The following MINDY2 variants were observed in gnomAD, a reference collection of about 807,000 sequenced individuals.
MINDY2 encodes MINDY lysine 48 deubiquitinase 2, also known as ubiquitin carboxyl-terminal hydrolase MINDY-2.
In MINDY2, 52 loss-of-function variants were observed where a neutral mutation model predicts 68.2. The ratio of observed to expected loss-of-function variants is 0.76; its 90% confidence interval spans 0.61 to 0.96. MINDY2 has a LOEUF of 0.96. Ranked by LOEUF, MINDY2 falls within the 40% of genes least tolerant of loss-of-function variation. The pLI, the probability that MINDY2 is intolerant of heterozygous loss-of-function variation, is 0.00. For synonymous variants in MINDY2, 372 were observed against 303.0 expected, an observed-to-expected ratio of 1.23 and a Z score of -2.36; for missense variants, 881 against 773.4, an observed-to-expected ratio of 1.14 and a Z score of -1.65.
At chr15:58,783,706 G>A (rs2140908810) in intron 1 of MINDY2, among the ~76,000 whole-genome samples, 1 of 152,298 alleles carries the variant, frequency 6.6e-6, no homozygotes, top group Non-Finnish European at 1.5e-5. Flanking sequence ...GGCTGAGGCA[G>A]GCAGATTTAA....
intron 5 of MINDY2, among the ~76,000 whole-genome samples, chr15:58,822,037 G>C (rs2031093165): frequency 6.6e-6 from 1 of 152,108 alleles, no homozygotes; most frequent in Non-Finnish European, 1.5e-5. Flanking sequence ...ATCACCTGAG[G>C]ACAGGAGTTC....
chr15:58,781,772 G>A (rs1034968717), intron 1 of MINDY2, among the ~76,000 whole-genome samples: 6 of 152,004 alleles, frequency 3.9e-5, no homozygotes, highest in Non-Finnish European at 7.4e-5. Context: ...GTGTGGTGGC[G>A]GGCGCCTGTA....
chr15:58,828,097 G>A (rs1203118849), intron 5 of MINDY2, among the ~76,000 whole-genome samples: 2 of 151,426 alleles, frequency 1.3e-5, no homozygotes, highest in Non-Finnish European at 2.9e-5. Flanking sequence ...AGCTGGGTGT[G>A]CAGTGAGCCG....
At chr15:58,777,123 C>G (rs542297404) in intron 1 of MINDY2, among the ~76,000 whole-genome samples, 95 of 152,282 alleles carry the variant, frequency 6.2e-4, no homozygotes, top group African/African-American at 2.0e-3. Context: ...TTGAGGTTTT[C>G]TTTAAAAACT....
chr15:58,801,624 A>G (rs550501335), intron 2 of MINDY2, among the ~76,000 whole-genome samples: 13 of 152,222 alleles, frequency 8.5e-5, no homozygotes, highest in African/African-American at 2.4e-4. Context: ...TAAAAATACC[A>G]TCTTTTTAAA....
At chr15:58,807,864 T>A (rs999330728) in intron 3 of MINDY2, among the ~76,000 whole-genome samples, 2 of 152,082 alleles carry the variant, frequency 1.3e-5, no homozygotes, top group Non-Finnish European at 2.9e-5. Context: ...AGTAATAAAC[T>A]CGTTTTTGCA....
intron 6 of MINDY2, among the ~76,000 whole-genome samples, chr15:58,841,977 T>C (rs1411347852): frequency 6.6e-6 from 1 of 152,086 alleles, no homozygotes; most frequent in Non-Finnish European, 1.5e-5. Flanking sequence ...GATCTAGTTG[T>C]TGCATTTCAT....
intron 2 of MINDY2, among the ~76,000 whole-genome samples, chr15:58,790,975 C>T (rs971915455): frequency 6.6e-6 from 1 of 151,484 alleles, no homozygotes; most frequent in Non-Finnish European, 1.5e-5. Flanking sequence ...GTCAGGAGAT[C>T]GAGACCATAC....
intron 1 of MINDY2, among the ~76,000 whole-genome samples, chr15:58,775,788 T>C (rs929919270): frequency 4.6e-5 from 7 of 151,722 alleles, no homozygotes; most frequent in African/African-American, 9.7e-5. Context: ...AAATGTCCAG[T>C]GGGGGGCATA....
chr15:58,839,931 C>G (rs544397745), intron 6 of MINDY2, among the ~76,000 whole-genome samples: 2 of 151,842 alleles, frequency 1.3e-5, no homozygotes, highest in South Asian at 4.2e-4. Context: ...CTCCCAGGTT[C>G]AAGCAATTCT....
intron 4 of MINDY2, among the ~76,000 whole-genome samples, chr15:58,813,599 GTGTT>G (rs1342536580): frequency 5.3e-5 from 8 of 152,060 alleles, no homozygotes; most frequent in Non-Finnish European, 7.4e-5. Context: ...GTTGGTTTGT[GTGTT>G]TGTTTGTTTG....
chr15:58,861,586 T>A lies in MINDY2; in HGVS notation c.*6976T>A, dbSNP rs1442983378. ...GAATTTCTGTGAAATAAATTTGTTT[T>A]AAATACTAATTATTTTAAAACTACT... On this transcript the variant is annotated 3_prime_UTR_variant, in exon 9 of 9. Coordinates refer to ENST00000559228, the MANE Select transcript of MINDY2 (RefSeq NM_001040450.3). 6.6e-6 allele frequency: 1 copy of A among 152,242 alleles called. No homozygotes were observed. The highest frequency in any genetic ancestry group is 1.5e-5 in the Non-Finnish European group (1 of 68,040). 9.4% of individuals were successfully genotyped at this position (152,242 alleles called of 1,614,324 possible).
intron 4 of MINDY2, among the ~76,000 whole-genome samples, chr15:58,814,732 G>T (rs1316986912): frequency 1.3e-5 from 2 of 150,216 alleles, no homozygotes; most frequent in African/African-American, 4.9e-5. Context: ...AAATGTTCTT[G>T]ATGTGTTCTA....
chr15:58,835,265 G>C (rs2031937156), intron 6 of MINDY2, among the ~76,000 whole-genome samples: 1 of 152,150 alleles, frequency 6.6e-6, no homozygotes, highest in African/African-American at 2.4e-5. Flanking sequence ...CAAGCTGTGA[G>C]TGTTTTTATC....
chr15:58,780,986 G>A (rs1901099720), intron 1 of MINDY2, among the ~76,000 whole-genome samples: 2 of 152,106 alleles, frequency 1.3e-5, no homozygotes. Flanking sequence ...TTTCAGCCTA[G>A]TAAGCTTGCT....
chr15:58,811,307 A>G (rs918536636), intron 4 of MINDY2, among the ~76,000 whole-genome samples: 1 of 152,250 alleles, frequency 6.6e-6, no homozygotes, highest in Non-Finnish European at 1.5e-5. Context: ...CTAAATGTAC[A>G]TTGACCTTTG....
intron 4 of MINDY2, among the ~76,000 whole-genome samples, chr15:58,811,245 C>T (rs978290411): frequency 1.3e-5 from 2 of 152,204 alleles, no homozygotes; most frequent in South Asian, 4.1e-4. Flanking sequence ...ATTACCCAAA[C>T]ATTTATTTTA....
chr15:58,843,112 ACTAAAGT>A (rs1229794704), intron 6 of MINDY2, among the ~76,000 whole-genome samples: 1 of 152,138 alleles, frequency 6.6e-6, no homozygotes, highest in Non-Finnish European at 1.5e-5. Context: ...AGAAGAAAAA[ACTAAAGT>A]CTAGAGATGT....
At chr15:58,789,108 C>T (rs147083272) in intron 2 of MINDY2, among the ~76,000 whole-genome samples, 2,386 of 152,270 alleles carry the variant, frequency 0.016, 69 homozygotes, top group African/African-American at 0.054. Context: ...GAGGCCGAGG[C>T]GGGCCGATCA....
Sources: allele counts gnomAD v4.1 joint callset (sites outside exome capture counted in the v4.1 genomes callset), GRCh38; gene constraint gnomAD v4.1.1; transcripts MANE v1.5; gene names NCBI Gene and HGNC (gene_info 2026-07-23, HGNC 2026-07-21).